The following DPH6 variants were observed in gnomAD, a reference collection of about 807,000 sequenced individuals.
The protein encoded by DPH6 is diphthine--ammonia ligase.
Under a neutral mutation model 38.2 loss-of-function variants are expected in DPH6, and 33 were observed. The observed-to-expected ratio is 0.86, with a 90% CI of 0.65 to 1.15. DPH6 has a LOEUF of 1.15. Among genes scored for constraint, DPH6 ranks in the 50% most tolerant of loss-of-function variants. DPH6 has a pLI of 0.00. For missense variants in DPH6, 325 were observed against 320.0 expected, an observed-to-expected ratio of 1.02 and a Z score of -0.12; for synonymous variants, 108 against 103.0, an observed-to-expected ratio of 1.05 and a Z score of -0.30.
chr15:35,327,336 CTTTTTTTTTTTT>C (rs376483680), downstream of DPH6, among the ~76,000 whole-genome samples: 1 of 127,814 alleles, frequency 7.8e-6, no homozygotes, highest in Non-Finnish European at 1.6e-5. Flanking sequence ...GAAAAGGTTC[CTTTTTTTTTTTT>C]TTTTTTTTGA....
chr15:35,381,945 A>G, intron 6 of DPH6, 29 bp from the exon 7 acceptor site: 1 of 1,544,514 alleles, frequency 6.5e-7, no homozygotes, highest in East Asian at 2.2e-5. Context: ...AAAAAACAAG[A>G]AAGAAGTTTA....
At chr15:35,347,393 C>T (rs2052471826) in intron 3 of DPH6, among the ~76,000 whole-genome samples, 1 of 151,690 alleles carries the variant, frequency 6.6e-6, no homozygotes, top group South Asian at 2.1e-4. Context: ...TTTAAGTGAT[C>T]CTCCTGCCTA....
At chr15:35,200,013 T>C in the DPH6 span, among the ~76,000 whole-genome samples, 1 of 151,814 alleles carries the variant, frequency 6.6e-6, no homozygotes, top group African/African-American at 2.4e-5. Context: ...GTCTCTCTCT[T>C]TTCCCATGGA....
At chr15:35,364,976 T>C (rs1282381168) in intron 3 of DPH6, among the ~76,000 whole-genome samples, 1 of 152,098 alleles carries the variant, frequency 6.6e-6, no homozygotes, top group Non-Finnish European at 1.5e-5. Context: ...TTTCTCTTCA[T>C]GTTTCATTCT....
downstream of DPH6, among the ~76,000 whole-genome samples, chr15:35,328,844 C>T (rs1023849563): frequency 6.6e-6 from 1 of 152,134 alleles, no homozygotes; most frequent in Non-Finnish European, 1.5e-5. Context: ...ACTTACAGTT[C>T]CACGTGGCTG....
At chr15:35,531,077 T>A (rs942224513) in intron 3 of DPH6, among the ~76,000 whole-genome samples, 2 of 152,202 alleles carry the variant, frequency 1.3e-5, no homozygotes, top group Non-Finnish European at 2.9e-5. Flanking sequence ...GCGTCCTCCC[T>A]GAAAATCTTA....
chr15:35,292,370 T>C (rs2051985816), intron 3 of DPH6, among the ~76,000 whole-genome samples: 1 of 152,186 alleles, frequency 6.6e-6, no homozygotes, highest in South Asian at 2.1e-4. Flanking sequence ...AATGATCTAC[T>C]CTTGGTTACT....
chr15:35,540,932 T>G (rs1183710170), intron 2 of DPH6, among the ~76,000 whole-genome samples: 1 of 152,122 alleles, frequency 6.6e-6, no homozygotes, highest in Non-Finnish European at 1.5e-5. Context: ...AAGTCCCAGT[T>G]GCCTCCCCCT....
At chr15:35,304,966 T>G (rs1482560886) in intron 3 of DPH6, among the ~76,000 whole-genome samples, 1 of 152,094 alleles carries the variant, frequency 6.6e-6, no homozygotes. Flanking sequence ...TATAGACAAC[T>G]AGTCACAGAG....
intron 3 of DPH6, among the ~76,000 whole-genome samples, chr15:35,491,189 A>G (rs1280601655): frequency 1.3e-5 from 2 of 152,032 alleles, no homozygotes; most frequent in Non-Finnish European, 2.9e-5. Context: ...ACACACATAT[A>G]ACATAAATAA....
Position 35,520,236 on chromosome 15 carries a change from A to AAAC in DPH6, c.312+18037_312+18038insGTT, listed in dbSNP as rs1555408247. ...AACATGCTACAAAAAAAAACAAAAA[A>AAAC]AAAACAAAAGAAGAAGAATCAAAAC... On this transcript the variant is annotated intron_variant, in intron 3 of 8. Coordinates refer to ENST00000256538, the MANE Select transcript of DPH6 (RefSeq NM_080650.4). The AAAC allele has an allele frequency of 2.8e-5, 23 of 814,328 alleles. No individual in the cohort carries two copies. The African/African-American group carries it at 3.0e-4, about 11-fold the overall frequency. The allele number at this position is 814,328 out of a possible 1,614,324, so 50.4% of individuals were successfully genotyped here.
Position 35,376,850 on chromosome 15 carries a change from C to T in DPH6, c.663-3242G>A, listed in dbSNP as rs548186535. Among the ~76,000 whole-genome samples the T allele has an allele frequency of 5.9e-5, 9 of 152,190 alleles. No individual in the cohort carries two copies. The East Asian group carries it at 1.5e-3, about 26-fold the overall frequency. On this transcript the variant is annotated intron_variant, in intron 7 of 8. Transcript: ENST00000256538. ...AGCCTAGGTATGTAGTAGGCTATAC[C>T]ATCTATATTTGTATAAGTATACTCT...
chr15:35,403,041 C>A (rs561025659), intron 6 of DPH6, among the ~76,000 whole-genome samples: 6 of 151,974 alleles, frequency 3.9e-5, no homozygotes, highest in African/African-American at 1.4e-4. Context: ...ATGAACATGG[C>A]ATGTTAGAAG....
At chr15:35,447,199 C>T (rs1470905958) in intron 5 of DPH6, among the ~76,000 whole-genome samples, 1 of 152,088 alleles carries the variant, frequency 6.6e-6, no homozygotes, top group African/African-American at 2.4e-5. Flanking sequence ...TCCCTTCTCT[C>T]CAGAAAACAC....
At chr15:35,306,285 A>C (rs909311937) in intron 3 of DPH6, among the ~76,000 whole-genome samples, 1 of 152,234 alleles carries the variant, frequency 6.6e-6, no homozygotes, top group Non-Finnish European at 1.5e-5. Flanking sequence ...AATATTACAT[A>C]GAAATAAAAT....
chr15:35,157,649 C>T, the DPH6 span, among the ~76,000 whole-genome samples: 1 of 152,052 alleles, frequency 6.6e-6, no homozygotes, highest in East Asian at 1.9e-4. Flanking sequence ...CTCTTCTGCT[C>T]CTATGCATGT....
At chr15:35,213,848 C>T (rs534396531), downstream of DPH6, among the ~76,000 whole-genome samples, 3 of 152,218 alleles carry the variant, frequency 2.0e-5, no homozygotes, top group Admixed American at 6.5e-5. Flanking sequence ...CGCGGTGGCT[C>T]ACGCCTGTAA....
intron 3 of DPH6, among the ~76,000 whole-genome samples, chr15:35,508,938 T>C (rs2054731295): frequency 6.6e-6 from 1 of 152,208 alleles, no homozygotes; most frequent in Admixed American, 6.5e-5. Flanking sequence ...CCATAAGGAA[T>C]ATCTACTTCC....
At chr15:35,513,468 T>C (rs1286195322) in intron 3 of DPH6, among the ~76,000 whole-genome samples, 3 of 151,768 alleles carry the variant, frequency 2.0e-5, no homozygotes, top group African/African-American at 7.3e-5. Context: ...CAGATGAACA[T>C]CAAAAATTAA....
Sources: gnomAD v4.1 joint callset for allele counts (sites outside exome capture counted in the v4.1 genomes callset) on GRCh38, gnomAD v4.1.1 for gene constraint, MANE v1.5 for transcripts, NCBI Gene and HGNC (gene_info 2026-07-23, HGNC 2026-07-21) for gene names.